The following ITGA6 variants were observed in gnomAD, a reference collection of about 807,000 sequenced individuals.
ITGA6 encodes the protein integrin alpha-6.
A neutral mutation model predicts 133.6 loss-of-function variants in ITGA6; 63 were observed. That is an observed-to-expected ratio of 0.47 (90% confidence interval 0.38 to 0.58). The LOEUF is 0.58. Ranked by LOEUF, ITGA6 falls within the 20% of genes least tolerant of loss-of-function variation. ITGA6 has a pLI of 0.00. For synonymous variants in ITGA6, 434 were observed against 482.0 expected (o/e 0.90, Z 1.30); for missense variants, 1,068 against 1,309.4 (o/e 0.82, Z 2.85).
In ITGA6 at chr2:172,469,225, T is replaced by C. The variant is rs1685810799; in HGVS notation, c.488T>C (p.Ile163Thr). The C allele has an allele frequency of 3.1e-6, 5 of 1,614,064 alleles. No homozygotes were observed. The highest frequency in any genetic ancestry group is 2.7e-5 in the African/African-American group (2 of 74,918). The change falls in exon 4 of 26, where the codon ATT (isoleucine) becomes ACT (threonine). Residue 163 changes from isoleucine (I) to threonine (T), a missense_variant. Physicochemically the swap from Ile to Thr is moderately conservative, Grantham distance 89. Transcript: ENST00000684293. Reference sequence around the variant, plus strand: ...TATGTCCTGAGTCAGAATCTCAGGATTGAAGACGATATGGATGGGGGAGAT... The same window carrying C: ...TATGTCCTGAGTCAGAATCTCAGGACTGAAGACGATATGGATGGGGGAGAT... The part of the protein sequence containing the change: ...RCYVLSQNLR[I>T]EDDMDGGDWS...
intron 1 of ITGA6, among the ~76,000 whole-genome samples, chr2:172,447,881 G>T (rs970856444): frequency 7.9e-5 from 12 of 152,166 alleles, no homozygotes; most frequent in African/African-American, 2.7e-4. Context: ...TTGAGCTGAA[G>T]GAGTTGAAAG....
intron 20 of ITGA6, among the ~76,000 whole-genome samples, chr2:172,490,243 C>G (rs1686863174): frequency 6.6e-6 from 1 of 152,184 alleles, no homozygotes; most frequent in Admixed American, 6.5e-5. Flanking sequence ...GAGCAAGTAA[C>G]TCTCTCAGTC....
At position 172,467,502 on chromosome 2, in the gene ITGA6, A is replaced by G; in HGVS notation, c.329A>G (p.Lys110Arg). The G allele has an allele frequency of 1.9e-6, 3 of 1,613,702 alleles. No individual in the cohort carries two copies. Among genetic ancestry groups the G allele is most frequent in the Non-Finnish European group, 2.5e-6 (3 of 1,179,696 alleles). Reference sequence around the variant, plus strand: ...ACAGCTGACCCCACGTCAGAAAGCAAGGAAGATCAGTGGATGGGGGTCACC... The same window carrying G: ...ACAGCTGACCCCACGTCAGAAAGCAGGGAAGATCAGTGGATGGGGGTCACC... The part of the protein sequence containing the change: ...DNDADPTSES[K>R]EDQWMGVTVQ... The change falls in exon 3 of 26, where the codon AAG (lysine) becomes AGG (arginine). Residue 110 changes from lysine (K) to arginine (R), a missense_variant. Coordinates refer to ENST00000684293, the MANE Select transcript of ITGA6 (RefSeq NM_000210.4).
At chr2:172,459,788 A>G (rs977503500) in intron 1 of ITGA6, among the ~76,000 whole-genome samples, 2 of 152,216 alleles carry the variant, frequency 1.3e-5, no homozygotes, top group Non-Finnish European at 2.9e-5. Flanking sequence ...TTACCCCAGG[A>G]TAGCCATGAA....
intron 1 of ITGA6, among the ~76,000 whole-genome samples, chr2:172,431,717 T>A (rs1684112199): frequency 6.6e-6 from 1 of 151,806 alleles, no homozygotes; most frequent in Admixed American, 6.6e-5. Context: ...ATGCTAAGAG[T>A]AGAGAAAAAG....
intron 1 of ITGA6, chr2:172,464,390 T>G (rs1685559289): frequency 6.6e-6 from 1 of 152,322 alleles, no homozygotes; most frequent in South Asian, 2.1e-4. Flanking sequence ...AGGAGTGGCT[T>G]GTTTTCTGTT....
chr2:172,439,425 A>G (rs1173272472), intron 1 of ITGA6, among the ~76,000 whole-genome samples: 2 of 151,812 alleles, frequency 1.3e-5, no homozygotes, highest in African/African-American at 2.4e-5. Context: ...GGGAAATCTG[A>G]GTTCAAAAGG....
At chr2:172,485,915 G>T (rs956676585) in intron 13 of ITGA6, among the ~76,000 whole-genome samples, 4 of 152,160 alleles carry the variant, frequency 2.6e-5, no homozygotes, top group Non-Finnish European at 5.9e-5. Flanking sequence ...GGTGGCTCAT[G>T]CCTGTAATCC....
chr2:172,437,677 G>A (rs1052061851), intron 1 of ITGA6, among the ~76,000 whole-genome samples: 1 of 152,162 alleles, frequency 6.6e-6, no homozygotes, highest in Non-Finnish European at 1.5e-5. Flanking sequence ...AAGTTCAGTT[G>A]GAAAGGTTTG....
chr2:172,427,881 C>A lies in ITGA6; in HGVS notation c.93C>A (p.Asp31Glu). The A allele has an allele frequency of 6.2e-7, 1 of 1,606,788 alleles. No homozygotes were observed. The highest frequency in any genetic ancestry group is 1.1e-5 in the South Asian group (1 of 90,066). ...CCTTCAACTTGGACACTCGGGAGGACAACGTGATCCGGAAATATGGAGACC... is the reference window on the plus strand; with the variant it reads ...CCTTCAACTTGGACACTCGGGAGGAAAACGTGATCCGGAAATATGGAGACC... ...GAAFNLDTREDNVIRKYGDPG... is the reference protein window; with the variant it reads ...GAAFNLDTREENVIRKYGDPG... The change falls in exon 1 of 26, where the codon GAC becomes GAA. Residue 31 changes from aspartate to glutamate, a missense_variant. By Grantham distance (45) the Asp-to-Glu change is conservative. Around this residue, in one of 3 missense-constraint regions of ITGA6, gnomAD observed 142 missense variants for 145.3 expected, o/e 0.98. Transcript: ENST00000684293.
chr2:172,440,007 C>T (rs1019354235), intron 1 of ITGA6, among the ~76,000 whole-genome samples: 8 of 152,334 alleles, frequency 5.3e-5, no homozygotes, highest in Admixed American at 2.0e-4. Flanking sequence ...CTTACTAGGG[C>T]ACTCCAAATG....
At chr2:172,484,422 T>A (rs901408212) in intron 11 of ITGA6, among the ~76,000 whole-genome samples, 1 of 115,450 alleles carries the variant, frequency 8.7e-6, no homozygotes, top group South Asian at 2.6e-4. Context: ...AAAATCAGTT[T>A]AGGTGCTCGG....
chr2:172,431,446 G>T (rs1684102526), intron 1 of ITGA6, among the ~76,000 whole-genome samples: 1 of 152,178 alleles, frequency 6.6e-6, no homozygotes, highest in Admixed American at 6.5e-5. Context: ...ATAGGTCAGG[G>T]CTATCTATTT....
intron 1 of ITGA6, chr2:172,465,245 G>C: frequency 2.1e-6 from 1 of 473,774 alleles, no homozygotes; most frequent in Non-Finnish European, 3.9e-6. Context: ...CTTTGAAGAG[G>C]GTGTCTTTTA....
intron 1 of ITGA6, among the ~76,000 whole-genome samples, chr2:172,435,157 C>T (rs1282904186): frequency 6.6e-6 from 1 of 152,088 alleles, no homozygotes; most frequent in East Asian, 1.9e-4. Context: ...CTTGCAGAAT[C>T]AGGAGCCCTT....
intron 6 of ITGA6, 93 bp from the exon 7 acceptor site, chr2:172,474,836 C>T (rs1574378396): frequency 2.6e-6 from 2 of 769,652 alleles, no homozygotes; most frequent in African/African-American, 3.4e-5. Flanking sequence ...GAGGGCCTTT[C>T]TATTATATGT....
intron 9 of ITGA6, 50 bp from the exon 10 acceptor site, chr2:172,479,591 C>A: frequency 1.4e-6 from 2 of 1,447,294 alleles, no homozygotes; most frequent in Non-Finnish European, 1.9e-6. Flanking sequence ...ATTAGACTCA[C>A]ATTCAAGGTA....
At chr2:172,442,363 T>C (rs1347163211) in intron 1 of ITGA6, among the ~76,000 whole-genome samples, 1 of 152,186 alleles carries the variant, frequency 6.6e-6, no homozygotes, top group Admixed American at 6.5e-5. Flanking sequence ...AACAGCACTT[T>C]ACAGTGCTTT....
chr2:172,482,600 A>G (rs1369131873), intron 11 of ITGA6, among the ~76,000 whole-genome samples: 2 of 152,100 alleles, frequency 1.3e-5, no homozygotes, highest in African/African-American at 2.4e-5. Context: ...TCCTGCACCC[A>G]CACCTCCCAT....
Sources: allele counts gnomAD v4.1 joint callset (sites outside exome capture counted in the v4.1 genomes callset), GRCh38; gene constraint gnomAD v4.1.1; regional missense constraint gnomAD v4.1.1; transcripts MANE v1.5; gene names NCBI Gene and HGNC (gene_info 2026-07-23, HGNC 2026-07-21).